MEGF11: variants seen among roughly 807,000 people sequenced by gnomAD.
The protein encoded by MEGF11 is multiple epidermal growth factor-like domains protein 11.
A neutral mutation model predicts 146.6 loss-of-function variants in MEGF11; 126 were observed. The observed-to-expected ratio is 0.86, with a 90% CI of 0.74 to 1.00. MEGF11 has a LOEUF of 1.00. Among genes scored for constraint, MEGF11 ranks in the 50% least tolerant of loss-of-function variants. MEGF11 has a pLI of 0.00. For synonymous variants in MEGF11, 532 were observed against 583.4 expected (o/e 0.91, Z 1.27); for missense variants, 1,509 against 1,521.2 (o/e 0.99, Z 0.13).
At position 65,916,896 on chromosome 15, in the gene MEGF11, GC is replaced by G. The variant is rs1567155393; in HGVS notation, c.2146del (p.Ala716ArgfsTer84). ...GGCCCCGTCCTCGGCGCTGCAGCTC[GC>G]CCCGTTGTGGCAGCTGCATGCGTGG... ...CFHACSCHNG[A>X]SCSAEDGACH... On this transcript the variant is annotated frameshift_variant, in exon 17 of 26. Coordinates refer to ENST00000395614, the MANE Select transcript of MEGF11 (RefSeq NM_001385028.1). LOFTEE classifies it high-confidence loss of function. 1 of 1,582,044 alleles carries G rather than the reference GC, an allele frequency of 6.3e-7. No individual in the cohort carries two copies. The highest frequency in any genetic ancestry group is 8.6e-7 in the Non-Finnish European group (1 of 1,163,572).
chr15:65,928,138 TCTC>T (rs2079438891), intron 13 of MEGF11, among the ~76,000 whole-genome samples: 1 of 152,154 alleles, frequency 6.6e-6, no homozygotes, highest in African/African-American at 2.4e-5. Flanking sequence ...CTTGTCCCCT[TCTC>T]CATCATATTC....
At chr15:66,213,709 A>C (rs1017588357) in intron 1 of MEGF11, among the ~76,000 whole-genome samples, 3 of 151,686 alleles carry the variant, frequency 2.0e-5, no homozygotes, top group African/African-American at 4.8e-5. Context: ...AAGCCACCAC[A>C]CCCAGCCTTA....
intron 1 of MEGF11, among the ~76,000 whole-genome samples, chr15:66,232,706 C>A (rs1360926404): frequency 6.6e-6 from 1 of 152,060 alleles, no homozygotes; most frequent in African/African-American, 2.4e-5. Context: ...TAGGGTCATG[C>A]GCCAAATGAA....
chr15:65,979,781 A>C (rs184869622), intron 7 of MEGF11, among the ~76,000 whole-genome samples: 224 of 152,354 alleles, frequency 1.5e-3, no homozygotes, highest in Middle Eastern at 3.4e-3. Flanking sequence ...CACATGAGCC[A>C]GCCTCCAACC....
In MEGF11 at chr15:66,129,555, T is replaced by C. The variant is rs563372847; in HGVS notation, c.-8-1144A>G. On this transcript the variant is annotated intron_variant, in intron 1 of 25. Transcript: ENST00000395614. Reference sequence around the variant, plus strand: ...CTGGGGGTGGGGGTGTCATAGAAAATATTTTGACATTGGAAAGGGGTCACA... The same window carrying C: ...CTGGGGGTGGGGGTGTCATAGAAAACATTTTGACATTGGAAAGGGGTCACA... Among the ~76,000 whole-genome samples, 3 of 152,040 alleles carry C rather than the reference T, an allele frequency of 2.0e-5. No individual in the cohort carries two copies. The East Asian group carries it at 5.8e-4, about 29-fold the overall frequency.
chr15:66,166,296 A>G (rs1023696221), intron 1 of MEGF11, among the ~76,000 whole-genome samples: 5 of 151,980 alleles, frequency 3.3e-5, no homozygotes, highest in African/African-American at 4.8e-5. Flanking sequence ...ACATCCCCAC[A>G]TCTAGTCCAT....
intron 1 of MEGF11, among the ~76,000 whole-genome samples, chr15:66,166,659 C>G (rs1190839972): frequency 1.3e-5 from 2 of 151,846 alleles, no homozygotes; most frequent in Non-Finnish European, 2.9e-5. Context: ...CTCCAGCAAG[C>G]TCGTTCCCAG....
In MEGF11 at chr15:65,986,248, A is replaced by T. The variant is rs188401698; in HGVS notation, c.395-3760T>A. On this transcript the variant is annotated intron_variant, in intron 5 of 25. Transcript: ENST00000395614. ...GATTGTGGCTCAGGACAATGTCTGC[A>T]TGTTTTATGGGGCTCCTAAAAAGTA... Among the ~76,000 whole-genome samples the T allele has an allele frequency of 9.2e-5, 14 of 152,238 alleles. No individual in the cohort carries two copies. The East Asian group carries it at 2.7e-3, about 29-fold the overall frequency.
chr15:66,034,047 C>T (rs1379258707), intron 5 of MEGF11, among the ~76,000 whole-genome samples: 16 of 152,246 alleles, frequency 1.1e-4, no homozygotes, highest in Non-Finnish European at 1.5e-5. Flanking sequence ...GCCTCGGCCT[C>T]CCAAAGTGCT....
intron 5 of MEGF11, among the ~76,000 whole-genome samples, chr15:66,059,189 G>A (rs2084800557): frequency 1.3e-5 from 2 of 152,142 alleles, no homozygotes; most frequent in Admixed American, 6.5e-5. Context: ...GTGTGGCTTA[G>A]TGGCACAGCC....
chr15:66,224,155 C>T (rs998313229), intron 1 of MEGF11, among the ~76,000 whole-genome samples: 1 of 152,232 alleles, frequency 6.6e-6, no homozygotes, highest in African/African-American at 2.4e-5. Flanking sequence ...CTATTACCAG[C>T]TCTGTGACCT....
chr15:65,953,214 G>C (rs756374754), intron 10 of MEGF11, among the ~76,000 whole-genome samples: 1 of 152,232 alleles, frequency 6.6e-6, no homozygotes, highest in Non-Finnish European at 1.5e-5. Context: ...TCAGGCACTG[G>C]CTTTGAACTT....
At chr15:66,106,651 C>T (rs2087094572) in intron 4 of MEGF11, among the ~76,000 whole-genome samples, 1 of 152,138 alleles carries the variant, frequency 6.6e-6, no homozygotes, top group Admixed American at 6.5e-5. Context: ...TGCTGTTAAC[C>T]TTGATATCAG....
At chr15:65,927,357 C>T (rs2079406907) in intron 13 of MEGF11, among the ~76,000 whole-genome samples, 1 of 152,200 alleles carries the variant, frequency 6.6e-6, no homozygotes, top group African/African-American at 2.4e-5. Context: ...GAGCTGGGTT[C>T]TTAACTACCG....
intron 4 of MEGF11, among the ~76,000 whole-genome samples, chr15:66,116,180 G>A (rs1028995219): frequency 1.1e-4 from 17 of 151,090 alleles, no homozygotes; most frequent in East Asian, 4.0e-4. Flanking sequence ...TCAAGGCCCC[G>A]TGAAGCAGGT....
In MEGF11 at chr15:66,094,412, G is replaced by A; in HGVS notation, c.384C>T (p.Asp128=). The change falls in exon 5 of 26, where the codon GAC becomes GAT. Residue 128 remains aspartate, a synonymous_variant. Coordinates refer to ENST00000395614, the MANE Select transcript of MEGF11 (RefSeq NM_001385028.1). ...AAACCCCAGACTCACCGCTGGAGCA[G>A]TCGGGCCCTCCCCAGCCAGGCTCGC... The part of the protein sequence containing the change: ...CHCEPGWGGP[D]CSSGCDSDHW... 1.3e-6 allele frequency: 2 copies of A among 1,558,114 alleles called. No individual in the cohort carries two copies. Among genetic ancestry groups the A allele is most frequent in the South Asian group, 1.2e-5 (1 of 84,442 alleles).
chr15:66,085,515 C>T (rs148516645), intron 5 of MEGF11, among the ~76,000 whole-genome samples: 1 of 152,232 alleles, frequency 6.6e-6, no homozygotes, highest in Non-Finnish European at 1.5e-5. Flanking sequence ...GTGCAGACAA[C>T]CCCCAGTACC....
intron 5 of MEGF11, among the ~76,000 whole-genome samples, chr15:66,048,227 T>A (rs2084301540): frequency 6.6e-6 from 1 of 152,174 alleles, no homozygotes; most frequent in Non-Finnish European, 1.5e-5. Flanking sequence ...ATTACAGGCA[T>A]GAGGCACCGC....
chr15:65,916,208 C>G lies in MEGF11; in HGVS notation c.2284G>C (p.Asp762His). The change falls in exon 18 of 26, where the codon GAC becomes CAC. Residue 762 changes from aspartate (D) to histidine (H), a missense_variant. Asp to His is a moderately conservative substitution (Grantham distance 81). Coordinates refer to ENST00000395614, the MANE Select transcript of MEGF11 (RefSeq NM_001385028.1). ...VCQCQNGASC[D>H]HISGKCTCRT... ...CAGGTGCACTTGCCACTGATGTGGT[C>G]ACAGCTGGCGCCATTCTGACACTGG... 6.3e-7 allele frequency: 1 copy of G among 1,576,004 alleles called. No individual in the cohort carries two copies. The highest frequency in any genetic ancestry group is 8.6e-7 in the Non-Finnish European group (1 of 1,160,834).
Sources: gnomAD v4.1 joint callset for allele counts (sites outside exome capture counted in the v4.1 genomes callset) on GRCh38, gnomAD v4.1.1 for gene constraint, MANE v1.5 for transcripts, NCBI Gene and HGNC (gene_info 2026-07-23, HGNC 2026-07-21) for gene names.